The following FILIP1L variants were observed in gnomAD, a reference collection of about 807,000 sequenced individuals.
FILIP1L encodes the protein filamin A interacting protein 1 like.
FILIP1L carries 55 observed loss-of-function variants against 96.6 expected under a neutral mutation model. That is an observed-to-expected ratio of 0.57 (90% CI 0.46 to 0.71). The LOEUF (loss-of-function observed/expected upper bound fraction) is 0.71, where lower values mean the gene tolerates loss of function less well. FILIP1L is among the 30% of genes least tolerant of loss of function. FILIP1L has a pLI of 0.00. For synonymous variants in FILIP1L, 467 were observed against 473.9 expected, an observed-to-expected ratio of 0.99 and a Z score of 0.19; for missense variants, 1,304 against 1,321.2, an observed-to-expected ratio of 0.99 and a Z score of 0.20.
At chr3:99,994,924 T>C (rs1411890188) in intron 1 of FILIP1L, among the ~76,000 whole-genome samples, 1 of 152,156 alleles carries the variant, frequency 6.6e-6, no homozygotes, top group Non-Finnish European at 1.5e-5. Context: ...CACATGGGAA[T>C]TATGGGAGTA....
rs1202494063 is a variant in FILIP1L, at chr3:99,829,268, T to C, written c.*1146A>G. On this transcript the variant is annotated 3_prime_UTR_variant, in exon 6 of 6. Transcript: ENST00000477258. ...CGATTGAAGCTTTTTGAAATGTTTT[T>C]TGAACTGCCTTTTGTGTCAAACATG... Among the ~76,000 whole-genome samples, 2 of 152,176 alleles carry C rather than the reference T, an allele frequency of 1.3e-5. No individual in the cohort carries two copies. Among genetic ancestry groups the C allele is most frequent in the African/African-American group, 2.4e-5 (1 of 41,446 alleles).
intron 5 of FILIP1L, among the ~76,000 whole-genome samples, chr3:99,840,222 T>C (rs1268958833): frequency 7.3e-5 from 1 of 13,614 alleles, no homozygotes; most frequent in East Asian, 4.5e-3. Flanking sequence ...TCGTAGAATC[T>C]TTTTTTTTTT....
In FILIP1L at chr3:99,929,917, TC is replaced by T; in HGVS notation, c.364del (p.Asp122MetfsTer19). 6.2e-7 allele frequency: 1 copy of T among 1,613,772 alleles called. No individual in the cohort carries two copies. The highest frequency in any genetic ancestry group is 1.1e-5 in the South Asian group (1 of 91,026). ...AGGGGTAGATTTCGCTTGAAAAGCA[TC>T]TCTCTGGAGAGCCTCTAACACCTTT... is the stretch of plus-strand genomic sequence containing the variant. ...PKKVLEALQR[D>X]AFQAKSTPWQ... On this transcript the variant is annotated frameshift_variant, in exon 3 of 6. Coordinates refer to ENST00000477258, the MANE Select transcript of FILIP1L (RefSeq NM_001387850.1). LOFTEE classifies it high-confidence loss of function.
chr3:99,986,968 C>T (rs1709359389), intron 1 of FILIP1L, among the ~76,000 whole-genome samples: 1 of 152,114 alleles, frequency 6.6e-6, no homozygotes, highest in Non-Finnish European at 1.5e-5. Flanking sequence ...GTGGCTCATG[C>T]CTATAATCCT....
At chr3:99,982,263 A>G (rs1709146965) in intron 1 of FILIP1L, among the ~76,000 whole-genome samples, 1 of 151,652 alleles carries the variant, frequency 6.6e-6, no homozygotes, top group African/African-American at 2.4e-5. Context: ...ATGCTTATAC[A>G]TTTTGCATCC....
At chr3:99,992,483 A>AT (rs1398921157) in intron 1 of FILIP1L, among the ~76,000 whole-genome samples, 3 of 151,112 alleles carry the variant, frequency 2.0e-5, no homozygotes, top group Non-Finnish European at 3.0e-5. Flanking sequence ...AAAAATGTCC[A>AT]TTTTTTTGCC....
intron 5 of FILIP1L, among the ~76,000 whole-genome samples, chr3:99,845,858 G>GT (rs1227491779): frequency 1.3e-5 from 2 of 152,126 alleles, no homozygotes; most frequent in Non-Finnish European, 2.9e-5. Flanking sequence ...AATCCTCCCA[G>GT]TAGAGGTACT....
intron 1 of FILIP1L, among the ~76,000 whole-genome samples, chr3:99,974,355 C>T (rs1347777849): frequency 6.6e-6 from 1 of 152,082 alleles, no homozygotes; most frequent in African/African-American, 2.4e-5. Context: ...TTAGTAAAGC[C>T]CATTTCTTAC....
chr3:99,882,024 G>A (rs1705746900), intron 4 of FILIP1L, among the ~76,000 whole-genome samples: 1 of 152,168 alleles, frequency 6.6e-6, no homozygotes, highest in Non-Finnish European at 1.5e-5. Flanking sequence ...CCAACTAAGA[G>A]TAGAACAGTT....
intron 1 of FILIP1L, among the ~76,000 whole-genome samples, chr3:100,077,213 A>T (rs1401930194): frequency 6.6e-6 from 1 of 152,234 alleles, no homozygotes; most frequent in African/African-American, 2.4e-5. Flanking sequence ...GTAGGTTCCA[A>T]GCAAATGGGA....
chr3:99,834,552 C>T (rs894289584), intron 5 of FILIP1L, among the ~76,000 whole-genome samples: 1 of 152,174 alleles, frequency 6.6e-6, no homozygotes, highest in Non-Finnish European at 1.5e-5. Context: ...TGTAGCAATA[C>T]TTTGTTAAAA....
intron 1 of FILIP1L, among the ~76,000 whole-genome samples, chr3:100,076,961 CAGAAG>C (rs2065859822): frequency 3.3e-5 from 5 of 152,184 alleles, no homozygotes; most frequent in Admixed American, 2.6e-4. Flanking sequence ...TGTCTCTTCC[CAGAAG>C]ACCCTTTACT....
chr3:100,017,209 A>G (rs951409561), intron 1 of FILIP1L, among the ~76,000 whole-genome samples: 6 of 152,238 alleles, frequency 3.9e-5, no homozygotes, highest in African/African-American at 1.4e-4. Flanking sequence ...ATTAAGCTGA[A>G]AATGAATCGA....
chr3:99,861,933 AAT>A (rs1944280209), intron 4 of FILIP1L, among the ~76,000 whole-genome samples: 1 of 152,152 alleles, frequency 6.6e-6, no homozygotes, highest in Non-Finnish European at 1.5e-5. Context: ...GAATGGGGAT[AAT>A]ATTAGAGCCT....
intron 1 of FILIP1L, among the ~76,000 whole-genome samples, chr3:100,048,741 T>C (rs2065319745): frequency 6.6e-6 from 1 of 152,170 alleles, no homozygotes; most frequent in African/African-American, 2.4e-5. Context: ...CCCCTGTACA[T>C]GGACAAAGAC....
At chr3:100,080,345 A>G (rs140801290) in intron 1 of FILIP1L, among the ~76,000 whole-genome samples, 1,782 of 152,210 alleles carry the variant, frequency 0.012, 23 homozygotes, top group African/African-American at 0.026. Context: ...TAATAACTCT[A>G]GGGTTCTGAC....
chr3:99,939,799 A>G (rs1707800871), intron 1 of FILIP1L, among the ~76,000 whole-genome samples: 1 of 152,230 alleles, frequency 6.6e-6, no homozygotes, highest in Non-Finnish European at 1.5e-5. Context: ...CAGTTTGCAG[A>G]TTCCTCGTCT....
intron 4 of FILIP1L, among the ~76,000 whole-genome samples, chr3:99,855,523 A>T (rs182162703): frequency 7.7e-4 from 117 of 152,330 alleles, no homozygotes; most frequent in African/African-American, 2.6e-3. Context: ...TAGCTGTGAA[A>T]ATTGAGGCTC....
chr3:100,062,978 A>G (rs1342426173), intron 1 of FILIP1L, among the ~76,000 whole-genome samples: 1 of 152,240 alleles, frequency 6.6e-6, no homozygotes, highest in Non-Finnish European at 1.5e-5. Flanking sequence ...GGATAGAAAT[A>G]GATGTTTCCT....
Sources: allele counts gnomAD v4.1 joint callset (sites outside exome capture counted in the v4.1 genomes callset), GRCh38; gene constraint gnomAD v4.1.1; transcripts MANE v1.5; gene names NCBI Gene and HGNC (gene_info 2026-07-23, HGNC 2026-07-21).